RNF139: variants seen among roughly 807,000 people sequenced by gnomAD.
RNF139 encodes E3 ubiquitin-protein ligase RNF139.
A neutral mutation model predicts 49.5 loss-of-function variants in RNF139; 15 were observed. The ratio of observed to expected loss-of-function variants is 0.30; its 90% CI spans 0.20 to 0.47. The LOEUF (loss-of-function observed/expected upper bound fraction) is 0.47. RNF139 is among the 20% of genes least tolerant of loss of function. RNF139 has a pLI of 1.00. For missense variants in RNF139, 619 were observed against 806.3 expected, an observed-to-expected ratio of 0.77 and a Z score of 2.81; for synonymous variants, 325 against 300.9, an observed-to-expected ratio of 1.08 and a Z score of -0.83.
At chr8:124,485,098 C>T (rs1563632010) in intron 1 of RNF139, among the ~76,000 whole-genome samples, 1 of 152,316 alleles carries the variant, frequency 6.6e-6, no homozygotes, top group East Asian at 1.9e-4. Context: ...GGTGCGGTGG[C>T]TCACGCCTGT....
rs1816528180 is a variant in RNF139, at chr8:124,486,323, T to TG, written c.676dup (p.Glu226GlyfsTer37). On this transcript the variant is annotated frameshift_variant, in exon 2 of 2. Transcript: ENST00000303545. LOFTEE classifies it high-confidence loss of function. ...CGAATTTACGGATTACAGTTATTGATGGAGGACACATGGAAGAGGATTCGT... is the reference window on the plus strand; with the variant it reads ...CGAATTTACGGATTACAGTTATTGATGGGAGGACACATGGAAGAGGATTCGT... 6.2e-7 allele frequency: 1 copy of TG among 1,614,042 alleles called. No homozygotes were observed. The highest frequency in any genetic ancestry group is 1.1e-5 in the South Asian group (1 of 91,088).
In RNF139 at chr8:124,485,925, A is replaced by C. The variant is rs755974059; in HGVS notation, c.276A>C (p.Ser92=). The C allele has an allele frequency of 6.0e-5, 97 of 1,614,042 alleles. No homozygotes were observed. Among genetic ancestry groups the C allele is most frequent in the Non-Finnish European group, 8.1e-5 (95 of 1,180,012 alleles). ...YSSAFLLAAT[S]VLVNYYASLH... ...CAGCCTTTCTGTTAGCTGCAACTTC[A>C]GTGTTGGTGAATTATTATGCTTCTT... is the stretch of plus-strand genomic sequence containing the variant. Residue 92 remains serine, a synonymous_variant, in exon 2 of 2, where the codon TCA becomes TCC. Transcript: ENST00000303545.
At position 124,488,300 on chromosome 8, in the gene RNF139, ATTTG is replaced by A. The variant is rs1816586080; in HGVS notation, c.*659_*662del. ...AAATGTTTTTTATGTAAAATTGTAT[ATTTG>A]TTAGCCATTCTGTGTCTGCAGTATT... On this transcript the variant is annotated 3_prime_UTR_variant, in exon 2 of 2. Transcript: ENST00000303545. 6.6e-6 allele frequency among the ~76,000 whole-genome samples: 1 copy of A among 152,186 alleles called. No homozygotes were observed. The highest frequency in any genetic ancestry group is 2.1e-4 in the South Asian group (1 of 4,828).
At chr8:124,481,105 G>T (rs1422392886) in intron 1 of RNF139, among the ~76,000 whole-genome samples, 2 of 151,748 alleles carry the variant, frequency 1.3e-5, no homozygotes, top group African/African-American at 4.8e-5. Flanking sequence ...AGAATACCAG[G>T]TTTTTTTTCA....
At chr8:124,480,139 T>TAA (rs11354778) in intron 1 of RNF139, among the ~76,000 whole-genome samples, 1 of 144,698 alleles carries the variant, frequency 6.9e-6, no homozygotes. Flanking sequence ...CCCTGTCTCT[T>TAA]AAAAAAAAAA....
chr8:124,479,032 C>T (rs1816361229), intron 1 of RNF139, among the ~76,000 whole-genome samples: 1 of 152,088 alleles, frequency 6.6e-6, no homozygotes, highest in South Asian at 2.1e-4. Context: ...GCCCGGAAGA[C>T]TCTTAATTTC....
chr8:124,487,416 A>G lies in RNF139; in HGVS notation c.1767A>G (p.Val589=). ...QDTCPMCHQK[V]YIEDDIKDNS... ...CTTGTCCAATGTGCCATCAGAAAGT[A>G]TACATCGAAGATGATATCAAGGATA... is the stretch of plus-strand genomic sequence containing the variant. The change falls in exon 2 of 2, where the codon GTA becomes GTG. Residue 589 remains valine, a synonymous_variant. Coordinates refer to ENST00000303545, the MANE Select transcript of RNF139 (RefSeq NM_007218.4). 1 of 1,614,142 alleles carries G rather than the reference A, an allele frequency of 6.2e-7. No individual in the cohort carries two copies. Among genetic ancestry groups the G allele is most frequent in the South Asian group, 1.1e-5 (1 of 91,084 alleles).
intron 1 of RNF139, among the ~76,000 whole-genome samples, chr8:124,484,284 G>A (rs1011103150): frequency 6.6e-6 from 1 of 152,148 alleles, no homozygotes; most frequent in Non-Finnish European, 1.5e-5. Context: ...AATGCCAGGA[G>A]CAAGAATGTA....
chr8:124,488,490 A>G lies in RNF139; in HGVS notation c.*846A>G. 1.6e-6 allele frequency: 1 copy of G among 634,840 alleles called. No individual in the cohort carries two copies. The highest frequency in any genetic ancestry group is 2.8e-5 in the East Asian group (1 of 35,224). 39.3% of individuals were successfully genotyped at this position (634,840 alleles called of 1,614,324 possible). On this transcript the variant is annotated 3_prime_UTR_variant, in exon 2 of 2. Coordinates refer to ENST00000303545, the MANE Select transcript of RNF139 (RefSeq NM_007218.4). The stretch of plus-strand genomic sequence containing the variant: ...TGGGGAATGGTGTGTACCGATATAT[A>G]GTATTTCTTTAGACAACTTGCAGAT...
Position 124,486,606 on chromosome 8 carries a change from T to C in RNF139, c.957T>C (p.Asp319=), listed in dbSNP as rs139025553. Residue 319 remains aspartate (D), a synonymous_variant, in exon 2 of 2, where the codon GAT becomes GAC. Coordinates refer to ENST00000303545, the MANE Select transcript of RNF139 (RefSeq NM_007218.4). Reference sequence around the variant, plus strand: ...CCTTTATTGGATCAACTGAGGAAGATGACAGGCGTCTTGGCTTTGTTGCAC... The same window carrying C: ...CCTTTATTGGATCAACTGAGGAAGACGACAGGCGTCTTGGCTTTGTTGCAC... The part of the protein sequence containing the change: ...ILAFIGSTEE[D]DRRLGFVAPV... 6.2e-7 allele frequency: 1 copy of C among 1,614,188 alleles called. No individual in the cohort carries two copies. The highest frequency in any genetic ancestry group is 2.2e-5 in the East Asian group (1 of 44,884).
At chr8:124,477,565 C>T (rs1816334318) in intron 1 of RNF139, among the ~76,000 whole-genome samples, 1 of 152,180 alleles carries the variant, frequency 6.6e-6, no homozygotes, top group African/African-American at 2.4e-5. Context: ...TCCCCTCTAC[C>T]TACAAAATGG....
intron 1 of RNF139, among the ~76,000 whole-genome samples, chr8:124,483,653 C>T (rs2131304389): frequency 6.6e-6 from 1 of 152,106 alleles, no homozygotes; most frequent in Non-Finnish European, 1.5e-5. Context: ...TGGTCTTGAA[C>T]TCCTGGCCTC....
Position 124,485,882 on chromosome 8 carries a change from A to C in RNF139, c.233A>C (p.Lys78Thr). The change falls in exon 2 of 2, where the codon AAG becomes ACG. Residue 78 changes from lysine to threonine, a missense_variant. By Grantham distance (78) the Lys-to-Thr change is moderately conservative. Transcript: ENST00000303545. ...VLILSQRSLF[K>T]FYTYSSAFLL... ...ATCTTGTCACAACGATCACTTTTCA[A>C]GTTTTACACGTACAGCTCAGCCTTT... is the stretch of plus-strand genomic sequence containing the variant. 1.2e-6 allele frequency: 2 copies of C among 1,613,788 alleles called. No individual in the cohort carries two copies.
At chr8:124,475,576 A>C (rs1040359168) in intron 1 of RNF139, among the ~76,000 whole-genome samples, 1 of 152,220 alleles carries the variant, frequency 6.6e-6, no homozygotes, top group Non-Finnish European at 1.5e-5. Flanking sequence ...TTGCCTTGGG[A>C]AATGAGTACT....
Position 124,480,303 on chromosome 8 carries a change from G to A in RNF139, c.181+5013G>A, listed in dbSNP as rs975383105. 2.7e-5 allele frequency among the ~76,000 whole-genome samples: 4 copies of A among 148,446 alleles called. No individual in the cohort carries two copies. The East Asian group carries it at 8.1e-4, about 30-fold the overall frequency. ...AAATATATAAAAGCAAATACATAAT[G>A]AAGATTGATAAACCGAATGATATTG... On this transcript the variant is annotated intron_variant, in intron 1 of 1. Coordinates refer to ENST00000303545, the MANE Select transcript of RNF139 (RefSeq NM_007218.4).
At chr8:124,480,134 T>C (rs1187147831) in intron 1 of RNF139, among the ~76,000 whole-genome samples, 16 of 148,958 alleles carry the variant, frequency 1.1e-4, no homozygotes, top group Non-Finnish European at 2.4e-4. Context: ...CAAGACCCTG[T>C]CTCTTAAAAA....
intron 1 of RNF139, among the ~76,000 whole-genome samples, chr8:124,482,727 G>A (rs1180526707): frequency 1.3e-5 from 2 of 151,074 alleles, no homozygotes; most frequent in African/African-American, 4.9e-5. Flanking sequence ...AGGAGTTTGA[G>A]ACCAGCCTGA....
chr8:124,479,870 C>T (rs1167305625), intron 1 of RNF139, among the ~76,000 whole-genome samples: 3 of 152,034 alleles, frequency 2.0e-5, no homozygotes, highest in South Asian at 2.1e-4. Context: ...TTTTGTTACA[C>T]CTTTGGAAAT....
At position 124,485,896 on chromosome 8, in the gene RNF139, A is replaced by G. The variant is rs954383233; in HGVS notation, c.247A>G (p.Ser83Gly). 1.2e-6 allele frequency: 2 copies of G among 1,613,992 alleles called. No homozygotes were observed. Among genetic ancestry groups the G allele is most frequent in the African/African-American group, 1.3e-5 (1 of 74,938 alleles). Reference protein sequence around the residue: ...QRSLFKFYTYSSAFLLAATSV... With the variant: ...QRSLFKFYTYGSAFLLAATSV... ...ATCACTTTTCAAGTTTTACACGTAC[A>G]GCTCAGCCTTTCTGTTAGCTGCAAC... Residue 83 changes from serine (S) to glycine (G), a missense_variant, in exon 2 of 2, where the codon AGC becomes GGC. Coordinates refer to ENST00000303545, the MANE Select transcript of RNF139 (RefSeq NM_007218.4).
Sources: allele counts gnomAD v4.1 joint callset (sites outside exome capture counted in the v4.1 genomes callset), GRCh38; gene constraint gnomAD v4.1.1; transcripts MANE v1.5; gene names NCBI Gene and HGNC (gene_info 2026-07-23, HGNC 2026-07-21).